TTC28: variants seen among roughly 807,000 people sequenced by gnomAD.
TTC28 encodes tetratricopeptide repeat domain 28.
TTC28 carries 61 observed loss-of-function variants against 198.0 expected under a neutral mutation model. That is an observed-to-expected ratio of 0.31 (90% CI 0.25 to 0.38). TTC28 has a LOEUF of 0.38. Ranked by LOEUF, TTC28 falls within the 10% of genes least tolerant of loss-of-function variation. The probability of loss-of-function intolerance (pLI) is 1.00; values close to 1 mark genes in which losing one functional copy is unlikely to be tolerated. For synonymous variants in TTC28, 1,171 were observed against 1,297.8 expected (o/e 0.90, Z 2.10); for missense variants, 2,678 against 3,164.0 (o/e 0.85, Z 3.69).
intron 2 of TTC28, among the ~76,000 whole-genome samples, chr22:28,351,615 G>A (rs1396099890): frequency 6.6e-6 from 1 of 152,140 alleles, no homozygotes; most frequent in Non-Finnish European, 1.5e-5. Flanking sequence ...GCCAGCAGAT[G>A]TTCATTCAGA....
At chr22:28,149,119 T>C (rs772277982) in intron 6 of TTC28, among the ~76,000 whole-genome samples, 9 of 152,228 alleles carry the variant, frequency 5.9e-5, no homozygotes, top group Non-Finnish European at 1.2e-4. Context: ...CTAGGCTATA[T>C]GGTGTAGCCT....
At chr22:28,114,189 A>T (rs1423524860) in intron 6 of TTC28, among the ~76,000 whole-genome samples, 1 of 152,180 alleles carries the variant, frequency 6.6e-6, no homozygotes, top group African/African-American at 2.4e-5. Context: ...TGGCCAAGAA[A>T]ATCTGCTTCA....
At chr22:28,622,118 C>T (rs1393405017) in intron 2 of TTC28, among the ~76,000 whole-genome samples, 1 of 152,128 alleles carries the variant, frequency 6.6e-6, no homozygotes, top group Admixed American at 6.5e-5. Context: ...TCCCCATTTT[C>T]AAGGTGCAAG....
chr22:28,138,670 G>C (rs1569158406), intron 6 of TTC28, among the ~76,000 whole-genome samples: 1 of 152,106 alleles, frequency 6.6e-6, no homozygotes, highest in African/African-American at 2.4e-5. Flanking sequence ...GGCTTATCAA[G>C]GCCAAACAAC....
At chr22:28,610,314 CCAA>C (rs2050799410) in intron 2 of TTC28, among the ~76,000 whole-genome samples, 1 of 152,266 alleles carries the variant, frequency 6.6e-6, no homozygotes, top group South Asian at 2.1e-4. Flanking sequence ...CCAGTAGAGG[CCAA>C]CAGACACCTC....
intron 5 of TTC28, among the ~76,000 whole-genome samples, chr22:28,251,133 A>G (rs544969646): frequency 4.6e-5 from 7 of 152,226 alleles, no homozygotes; most frequent in African/African-American, 1.7e-4. Flanking sequence ...TATGCCTCTA[A>G]TTAATTAAAC....
intron 12 of TTC28, among the ~76,000 whole-genome samples, chr22:28,090,069 C>A (rs1445140490): frequency 6.6e-6 from 1 of 151,498 alleles, no homozygotes; most frequent in African/African-American, 2.4e-5. Flanking sequence ...ACATATGTAA[C>A]AAACCTGCAC....
intron 2 of TTC28, among the ~76,000 whole-genome samples, chr22:28,530,034 G>A (rs190692806): frequency 4.2e-4 from 64 of 152,298 alleles, no homozygotes; most frequent in Non-Finnish European, 7.5e-4. Flanking sequence ...CGCCAGCAAC[G>A]GAACAAAGCT....
intron 2 of TTC28, among the ~76,000 whole-genome samples, chr22:28,415,796 C>G (rs1420896375): frequency 1.3e-5 from 2 of 152,156 alleles, no homozygotes; most frequent in African/African-American, 4.8e-5. Context: ...TATGCTACTA[C>G]AGTTGTACAT....
At chr22:28,638,780 T>C (rs746577371) in intron 1 of TTC28, among the ~76,000 whole-genome samples, 2 of 152,190 alleles carry the variant, frequency 1.3e-5, no homozygotes, top group African/African-American at 2.4e-5. Flanking sequence ...AATAAAAAAT[T>C]AGCAATACAT....
chr22:28,585,683 CA>C (rs1296131826), intron 2 of TTC28, among the ~76,000 whole-genome samples: 1 of 152,102 alleles, frequency 6.6e-6, no homozygotes, highest in African/African-American at 2.4e-5. Flanking sequence ...AATTAAGCCT[CA>C]GAGGGGCTAG....
chr22:28,525,326 T>G (rs2048986295), intron 2 of TTC28, among the ~76,000 whole-genome samples: 1 of 152,100 alleles, frequency 6.6e-6, no homozygotes, highest in African/African-American at 2.4e-5. Flanking sequence ...CTAACTTTTA[T>G]ATTATTTTAT....
intron 14 of TTC28, among the ~76,000 whole-genome samples, chr22:28,013,195 A>T (rs1369293561): frequency 1.3e-5 from 2 of 152,226 alleles, no homozygotes; most frequent in Non-Finnish European, 2.9e-5. Context: ...GGAGCAGAAG[A>T]GAGAGCTGCT....
At chr22:28,319,052 G>A (rs149638385) in intron 2 of TTC28, among the ~76,000 whole-genome samples, 50 of 151,900 alleles carry the variant, frequency 3.3e-4, no homozygotes, top group Middle Eastern at 3.4e-3. Flanking sequence ...GGTTTTGAAC[G>A]CCTGGACTTA....
chr22:28,084,995 G>T (rs554612829), intron 12 of TTC28, among the ~76,000 whole-genome samples: 1 of 152,094 alleles, frequency 6.6e-6, no homozygotes, highest in Admixed American at 6.6e-5. Flanking sequence ...AACCCTCCAA[G>T]AAATATGGGA....
chr22:28,600,980 C>T (rs1040266202), intron 2 of TTC28, among the ~76,000 whole-genome samples: 5 of 152,178 alleles, frequency 3.3e-5, no homozygotes, highest in Middle Eastern at 3.4e-3. Flanking sequence ...AGTATTTTAT[C>T]ATCAAGAAAA....
chr22:28,220,092 T>C (rs12167735), intron 5 of TTC28, among the ~76,000 whole-genome samples: 11,006 of 152,288 alleles, frequency 0.072, 449 homozygotes, highest in South Asian at 0.092. Flanking sequence ...ATTAAGGTGA[T>C]GAACCAATTC....
chr22:28,312,134 G>A (rs1349734482), intron 2 of TTC28, among the ~76,000 whole-genome samples: 3 of 151,930 alleles, frequency 2.0e-5, no homozygotes, highest in African/African-American at 7.2e-5. Flanking sequence ...TTACATAATG[G>A]TAAAGGGATC....
chr22:28,103,563 C>T (rs1415999027), intron 8 of TTC28, among the ~76,000 whole-genome samples: 1 of 152,126 alleles, frequency 6.6e-6, no homozygotes, highest in Non-Finnish European at 1.5e-5. Context: ...AAGCACCATC[C>T]AGGTGTCCTG....
Sources: allele counts gnomAD v4.1 joint callset (sites outside exome capture counted in the v4.1 genomes callset), GRCh38; gene constraint gnomAD v4.1.1; transcripts MANE v1.5; gene names NCBI Gene and HGNC (gene_info 2026-07-23, HGNC 2026-07-21).